FBXO34: variants seen among roughly 807,000 people sequenced by gnomAD.
FBXO34 encodes the protein F-box only protein 34.
In FBXO34, 12 loss-of-function variants were observed where a neutral mutation model predicts 24.5. The observed-to-expected ratio is 0.49, with a 90% CI of 0.31 to 0.79. The LOEUF (loss-of-function observed/expected upper bound fraction) is 0.79. Ranked by LOEUF, FBXO34 falls within the 30% of genes least tolerant of loss-of-function variation. The pLI is 0.04. For synonymous variants in FBXO34, 320 were observed against 311.9 expected (o/e 1.03, Z -0.27); for missense variants, 823 against 857.7 (o/e 0.96, Z 0.51).
Position 55,352,514 on chromosome 14 carries a change from A to G in FBXO34, c.2124A>G (p.Glu708=), listed in dbSNP as rs148730342. Residue 708 remains glutamate, a synonymous_variant, in exon 2 of 2, where the codon GAA becomes GAG. Transcript: ENST00000313833. The part of the protein sequence containing the change: ...IHKKAKGTEA[E]EEY ...AGAAAGCAAAAGGGACTGAAGCTGA[A>G]GAGGAATACTAAAGTCCATGTGAGA... The G allele has an allele frequency of 3.9e-5, 63 of 1,605,952 alleles. No individual in the cohort carries two copies. In the African/African-American group the frequency reaches 7.5e-4, roughly 19 times the overall value.
the FBXO34 span, among the ~76,000 whole-genome samples, chr14:55,384,229 AG>A: frequency 6.6e-6 from 1 of 152,250 alleles, no homozygotes; most frequent in Admixed American, 6.5e-5. Context: ...GCACAGAAAT[AG>A]TTTTTCTTCA....
chr14:55,402,385 AT>A, the FBXO34 span, among the ~76,000 whole-genome samples: 17 of 152,324 alleles, frequency 1.1e-4, no homozygotes, highest in East Asian at 1.7e-3. Flanking sequence ...CTAAAAAAAA[AT>A]ATTCGACCTT....
the FBXO34 span, among the ~76,000 whole-genome samples, chr14:55,405,229 C>G: frequency 6.6e-6 from 1 of 152,116 alleles, no homozygotes; most frequent in African/African-American, 2.4e-5. Context: ...CAGTGGCTGA[C>G]AAACAAAAAT....
At chr14:55,407,206 G>A in the FBXO34 span, among the ~76,000 whole-genome samples, 1 of 152,272 alleles carries the variant, frequency 6.6e-6, no homozygotes, top group Middle Eastern at 3.4e-3. Context: ...TTGGCTCACT[G>A]CAACCTCCGC....
the FBXO34 span, chr14:55,395,135 C>A: frequency 2.1e-6 from 1 of 476,742 alleles, no homozygotes; most frequent in South Asian, 1.5e-5. Context: ...GCTTCGTTTC[C>A]ACTTTTGCAG....
rs113604097 is a variant in FBXO34 at position 55,309,150 on chromosome 14, A to G, written c.-11+37613A>G. Among the ~76,000 whole-genome samples, 1,420 of 152,124 alleles carry G rather than the reference A, an allele frequency of 9.3e-3. 30 individuals carry two copies. The highest frequency in any genetic ancestry group is 0.033 in the African/African-American group (1,371 of 41,518). The stretch of plus-strand genomic sequence containing the variant: ...TGGTATTCTGTGTGTGTGGGTATAC[A>G]CTTTTTGCTTCAAAAAAGTATTATG... On this transcript the variant is annotated intron_variant, in intron 1 of 1. Coordinates refer to ENST00000313833, the MANE Select transcript of FBXO34 (RefSeq NM_017943.4).
At chr14:55,311,191 G>A (rs1168129987) in intron 1 of FBXO34, among the ~76,000 whole-genome samples, 5 of 152,188 alleles carry the variant, frequency 3.3e-5, no homozygotes, top group Non-Finnish European at 7.4e-5. Context: ...TCTTCACAAT[G>A]TGGCAGGAGG....
At chr14:55,319,400 A>G (rs1390440515) in intron 1 of FBXO34, among the ~76,000 whole-genome samples, 3 of 152,348 alleles carry the variant, frequency 2.0e-5, no homozygotes, top group South Asian at 4.1e-4. Flanking sequence ...TTTATTAAGC[A>G]TTTATATAGA....
the FBXO34 span, chr14:55,395,825 A>C: frequency 3.3e-5 from 21 of 631,432 alleles, no homozygotes; most frequent in Non-Finnish European, 5.0e-5. Context: ...CAAGTGGATT[A>C]AGTAGAGGAC....
intron 1 of FBXO34, among the ~76,000 whole-genome samples, chr14:55,296,584 G>T (rs1024462143): frequency 6.6e-6 from 1 of 151,730 alleles, no homozygotes; most frequent in African/African-American, 2.4e-5. Flanking sequence ...TTTTAGTAGA[G>T]ATGGGGTTTC....
downstream of FBXO34, among the ~76,000 whole-genome samples, chr14:55,364,383 A>C (rs941571504): frequency 6.6e-6 from 1 of 152,174 alleles, no homozygotes; most frequent in Non-Finnish European, 1.5e-5. Context: ...TTAGTTTACT[A>C]TCCTCTTTCT....
At chr14:55,409,225 G>C in the FBXO34 span, among the ~76,000 whole-genome samples, 1 of 152,204 alleles carries the variant, frequency 6.6e-6, no homozygotes, top group Non-Finnish European at 1.5e-5. Context: ...ATAACTCCCA[G>C]TTTTCTGGCT....
intron 1 of FBXO34, among the ~76,000 whole-genome samples, chr14:55,322,656 T>A (rs1883180329): frequency 6.6e-6 from 1 of 152,062 alleles, no homozygotes; most frequent in African/African-American, 2.4e-5. Context: ...AAATTAACCT[T>A]TTGTGCATAT....
the FBXO34 span, chr14:55,385,819 C>A: frequency 6.7e-7 from 1 of 1,496,574 alleles, no homozygotes; most frequent in Non-Finnish European, 9.1e-7. Flanking sequence ...GTATTTGGAA[C>A]TTGATCTATT....
At chr14:55,307,986 G>A (rs1367949114) in intron 1 of FBXO34, among the ~76,000 whole-genome samples, 1 of 152,052 alleles carries the variant, frequency 6.6e-6, no homozygotes, top group Non-Finnish European at 1.5e-5. Context: ...GAATCATGAG[G>A]GCAGGTTTCT....
chr14:55,282,109 G>A (rs1358883388), intron 1 of FBXO34, among the ~76,000 whole-genome samples: 1 of 142,422 alleles, frequency 7.0e-6, no homozygotes, highest in Non-Finnish European at 1.5e-5. Flanking sequence ...CGATTCCCCT[G>A]CCTCAGCCTC....
chr14:55,324,219 T>G (rs1883266313), intron 1 of FBXO34, among the ~76,000 whole-genome samples: 1 of 152,200 alleles, frequency 6.6e-6, no homozygotes, highest in African/African-American at 2.4e-5. Context: ...TTCTTTCACT[T>G]AGCATGATGT....
At chr14:55,306,152 G>A (rs547187615) in intron 1 of FBXO34, among the ~76,000 whole-genome samples, 1 of 152,330 alleles carries the variant, frequency 6.6e-6, no homozygotes, top group South Asian at 2.1e-4. Flanking sequence ...ATGAAGTTGA[G>A]TTATGTGAAC....
downstream of FBXO34, among the ~76,000 whole-genome samples, chr14:55,371,436 T>C (rs984486051): frequency 6.6e-6 from 1 of 152,132 alleles, no homozygotes; most frequent in African/African-American, 2.4e-5. Flanking sequence ...CCAGGGACTG[T>C]TTTTAGGGCT....
Sources: gnomAD v4.1 joint callset for allele counts (sites outside exome capture counted in the v4.1 genomes callset) on GRCh38, gnomAD v4.1.1 for gene constraint, MANE v1.5 for transcripts, NCBI Gene and HGNC (gene_info 2026-07-23, HGNC 2026-07-21) for gene names.